The following C10orf143 variants were observed in gnomAD, a reference collection of about 807,000 sequenced individuals.
The protein encoded by C10orf143 is chromosome 10 open reading frame 143.
At chr10:130,043,017 C>A (rs1298015556) in intron 3 of C10orf143, among the ~76,000 whole-genome samples, 1 of 152,306 alleles carries the variant, frequency 6.6e-6, no homozygotes, top group South Asian at 2.1e-4. Flanking sequence ...CGGAAGCAAG[C>A]CTGCAAAACG....
intron 1 of C10orf143, among the ~76,000 whole-genome samples, chr10:130,088,412 C>T (rs753238515): frequency 4.1e-4 from 62 of 151,930 alleles, no homozygotes; most frequent in Non-Finnish European, 8.2e-4. Flanking sequence ...AAATAAAATA[C>T]CAAAGGAAAT....
intron 3 of C10orf143, chr10:130,067,249 C>G (rs1860952107): frequency 6.6e-6 from 1 of 152,200 alleles, no homozygotes; most frequent in Non-Finnish European, 1.5e-5. Flanking sequence ...AAGCCTTCCT[C>G]GCTGGGCTCT....
chr10:130,060,132 G>A (rs1034268195), downstream of C10orf143, among the ~76,000 whole-genome samples: 2 of 152,056 alleles, frequency 1.3e-5, no homozygotes, highest in African/African-American at 4.8e-5. Flanking sequence ...TCCTTGTCCT[G>A]TTTGTTTGTC....
intron 1 of C10orf143, among the ~76,000 whole-genome samples, chr10:130,109,964 G>A (rs1861732478): frequency 6.6e-6 from 1 of 152,116 alleles, no homozygotes; most frequent in Admixed American, 6.5e-5. Flanking sequence ...AGAGGTGGAA[G>A]ATAAAATACA....
chr10:130,068,280 G>C (rs1278384932), intron 3 of C10orf143: 1 of 152,224 alleles, frequency 6.6e-6, no homozygotes, highest in Non-Finnish European at 1.5e-5. Flanking sequence ...ACTTACCAGA[G>C]ACTTCACCTC....
intron 3 of C10orf143, among the ~76,000 whole-genome samples, chr10:130,052,987 G>A (rs971787768): frequency 1.3e-5 from 2 of 152,238 alleles, no homozygotes; most frequent in African/African-American, 4.8e-5. Flanking sequence ...TATGAATTGT[G>A]TATACAGAGG....
At chr10:130,052,495 C>G (rs1288249349) in intron 3 of C10orf143, among the ~76,000 whole-genome samples, 1 of 152,144 alleles carries the variant, frequency 6.6e-6, no homozygotes, top group South Asian at 2.1e-4. Context: ...AGCCAGGACA[C>G]GTGAGGTGCA....
At chr10:130,043,800 C>G (rs1469770939) in intron 3 of C10orf143, among the ~76,000 whole-genome samples, 1 of 152,256 alleles carries the variant, frequency 6.6e-6, no homozygotes, top group Non-Finnish European at 1.5e-5. Context: ...CACCGTCCAT[C>G]CTGACAGTTA....
intron 3 of C10orf143, among the ~76,000 whole-genome samples, chr10:130,042,156 T>G (rs1219335945): frequency 6.6e-6 from 1 of 152,200 alleles, no homozygotes; most frequent in Non-Finnish European, 1.5e-5. Flanking sequence ...CTCTGTGGGC[T>G]TCATGTGGGA....
At chr10:130,108,775 C>G (rs1177626380) in intron 1 of C10orf143, among the ~76,000 whole-genome samples, 1 of 152,194 alleles carries the variant, frequency 6.6e-6, no homozygotes, top group Non-Finnish European at 1.5e-5. Context: ...ACTGTATTTA[C>G]TGTAGGTGTA....
chr10:130,097,285 G>A (rs968687965), intron 1 of C10orf143, among the ~76,000 whole-genome samples: 7 of 152,138 alleles, frequency 4.6e-5, no homozygotes, highest in East Asian at 1.9e-4. Context: ...AGGCATGGGC[G>A]CTCATGCCTG....
At chr10:130,064,545 T>C (rs1001211200) in intron 3 of C10orf143, among the ~76,000 whole-genome samples, 162 bp from the exon 4 acceptor site, 1 of 152,012 alleles carries the variant, frequency 6.6e-6, no homozygotes, top group South Asian at 2.1e-4. Flanking sequence ...TATATTAATA[T>C]ATATTACATT....
intron 1 of C10orf143, chr10:130,101,278 C>G (rs1861546317): frequency 6.6e-6 from 1 of 151,152 alleles, no homozygotes; most frequent in Non-Finnish European, 1.5e-5. Flanking sequence ...TTGATGAAAA[C>G]TATAAACCCA....
At position 130,037,651 on chromosome 10, in the gene C10orf143, G is replaced by A. The variant is rs184622336; in HGVS notation, c.298-1681C>T. Reference sequence around the variant, plus strand: ...GAGGCTAGAGCCACAACAGGAGGCTGTGCACTCACAGGGACAAAAATACCC... The same window carrying A: ...GAGGCTAGAGCCACAACAGGAGGCTATGCACTCACAGGGACAAAAATACCC... On this transcript the variant is annotated intron_variant and NMD_transcript_variant, in intron 3 of 5. Coordinates refer to the C10orf143 transcript ENST00000643056. Among the ~76,000 whole-genome samples, 19 of 152,350 alleles carry A rather than the reference G, an allele frequency of 1.2e-4. No individual in the cohort carries two copies. In the East Asian group the frequency reaches 1.4e-3, roughly 11 times the overall value.
chr10:130,045,854 G>T (rs1251451858), intron 3 of C10orf143, among the ~76,000 whole-genome samples: 3 of 152,190 alleles, frequency 2.0e-5, no homozygotes, highest in Non-Finnish European at 4.4e-5. Context: ...TGATGGCTCC[G>T]GTCGTGGCTG....
chr10:130,041,370 G>A (rs1466130705), intron 3 of C10orf143, among the ~76,000 whole-genome samples: 1 of 152,176 alleles, frequency 6.6e-6, no homozygotes, highest in Non-Finnish European at 1.5e-5. Flanking sequence ...CAGTACCAAG[G>A]AGGCCATGAT....
intron 1 of C10orf143, among the ~76,000 whole-genome samples, chr10:130,105,432 TA>T: frequency 1.3e-5 from 2 of 152,248 alleles, no homozygotes; most frequent in Admixed American, 1.3e-4. Context: ...TGTTGTGCTA[TA>T]AATTCAGATA....
chr10:130,081,378 G>C (rs10829686), intron 1 of C10orf143, among the ~76,000 whole-genome samples: 20,777 of 152,092 alleles, frequency 0.14, 2,635 homozygotes, highest in African/African-American at 0.32. Context: ...ACTAATAACA[G>C]GAGGTTTCAT....
chr10:130,070,265 T>C (rs1221612230), intron 3 of C10orf143, among the ~76,000 whole-genome samples: 3 of 152,158 alleles, frequency 2.0e-5, no homozygotes, highest in African/African-American at 4.8e-5. Context: ...CTTGAGTCAG[T>C]TTTGGTAACT....
Sources: allele counts gnomAD v4.1 joint callset (sites outside exome capture counted in the v4.1 genomes callset), GRCh38; gene constraint gnomAD v4.1.1; transcripts MANE v1.5; gene names NCBI Gene and HGNC (gene_info 2026-07-23, HGNC 2026-07-21).